The following CHUK variants were observed in gnomAD, a reference collection of about 807,000 sequenced individuals.
CHUK encodes the protein component of inhibitor of nuclear factor kappa B kinase complex.
CHUK carries 35 observed loss-of-function variants against 104.8 expected under a neutral mutation model. The ratio of observed to expected loss-of-function variants is 0.33; its 90% CI spans 0.26 to 0.44. The LOEUF is 0.44. Ranked by LOEUF, CHUK falls within the 20% of genes least tolerant of loss-of-function variation. CHUK has a pLI of 1.00. For synonymous variants in CHUK, 276 were observed against 291.9 expected, an observed-to-expected ratio of 0.95 and a Z score of 0.56; for missense variants, 663 against 902.7, an observed-to-expected ratio of 0.73 and a Z score of 3.40.
At chr10:100,228,317 T>C (rs1005404260) in intron 1 of CHUK, among the ~76,000 whole-genome samples, 1 of 152,200 alleles carries the variant, frequency 6.6e-6, no homozygotes, top group Non-Finnish European at 1.5e-5. Flanking sequence ...TCTGTGCATT[T>C]TTCTGGGGAA....
intron 9 of CHUK, among the ~76,000 whole-genome samples, chr10:100,217,569 T>C (rs1845887045): frequency 6.6e-6 from 1 of 151,978 alleles, no homozygotes; most frequent in South Asian, 2.1e-4. Context: ...GCTCTAAGAA[T>C]ATAATTTTCT....
rs145198557 is a variant in CHUK at position 100,190,889 on chromosome 10, C to T, written c.2188G>A (p.Glu730Lys). The T allele has an allele frequency of 1.2e-6, 2 of 1,607,620 alleles. No individual in the cohort carries two copies. Among genetic ancestry groups the T allele is most frequent in the African/African-American group, 1.3e-5 (1 of 74,808 alleles). Residue 730 changes from glutamate to lysine, a missense_variant, in exon 20 of 21, where the codon GAA becomes AAA. Glu to Lys is a moderately conservative substitution (Grantham distance 56, BLOSUM62 1). Transcript: ENST00000370397. Reference protein sequence around the residue: ...LSTIIHEANEEQGNSMMNLDW... With the variant: ...LSTIIHEANEKQGNSMMNLDW... Reference sequence around the variant, plus strand: ...CTTACCATCATACTATTGCCCTGTTCCTCATTTGCCTCATGAATAATAGTG... The same window carrying T: ...CTTACCATCATACTATTGCCCTGTTTCTCATTTGCCTCATGAATAATAGTG...
At chr10:100,220,946 T>C (rs1228935196) in intron 4 of CHUK, among the ~76,000 whole-genome samples, 2 of 152,178 alleles carry the variant, frequency 1.3e-5, no homozygotes, top group East Asian at 1.9e-4. Context: ...TCCCTGAAAC[T>C]CTTATAAGCC....
At chr10:100,207,692 T>G (rs557503674) in intron 10 of CHUK, among the ~76,000 whole-genome samples, 18 of 152,324 alleles carry the variant, frequency 1.2e-4, no homozygotes, top group African/African-American at 4.3e-4. Context: ...ATATATTACA[T>G]AATTCCATTT....
intron 17 of CHUK, 51 bp downstream of exon 17, chr10:100,194,374 C>A (rs533951574): frequency 1.5e-6 from 2 of 1,336,226 alleles, no homozygotes; most frequent in Admixed American, 3.4e-5. Context: ...TTGAGAGGAA[C>A]AAGATAAACG....
At chr10:100,204,929 T>C (rs2134222129) in intron 12 of CHUK, 147 bp downstream of exon 12, 2 of 938,632 alleles carry the variant, frequency 2.1e-6, no homozygotes, top group East Asian at 4.9e-5. Flanking sequence ...TTAGTAAGAA[T>C]TCTACAAGTT....
At chr10:100,201,071 C>T (rs1021243223) in intron 14 of CHUK, among the ~76,000 whole-genome samples, 1 of 152,118 alleles carries the variant, frequency 6.6e-6, no homozygotes, top group African/African-American at 2.4e-5. Context: ...CAGGTATCAA[C>T]TAACAAGAAA....
chr10:100,222,718 T>TG (rs1589598439), intron 3 of CHUK, 148 bp downstream of exon 3: 1 of 645,024 alleles, frequency 1.6e-6, no homozygotes, highest in East Asian at 2.9e-5. Flanking sequence ...GAAATGAATG[T>TG]GGCTGTGTTC....
At chr10:100,196,883 A>C (rs1446534776) in intron 16 of CHUK, among the ~76,000 whole-genome samples, 2 of 152,202 alleles carry the variant, frequency 1.3e-5, no homozygotes, top group East Asian at 1.9e-4. Flanking sequence ...CTACTCCCAA[A>C]AAAGTATCTG....
At chr10:100,193,533 T>A in intron 18 of CHUK, 102 bp from the exon 19 acceptor site, 8 of 1,320,884 alleles carry the variant, frequency 6.1e-6, no homozygotes, top group Non-Finnish European at 8.6e-6. Context: ...CCGTTACTAC[T>A]TATATGCACA....
intron 17 of CHUK, 47 bp downstream of exon 17, chr10:100,194,377 GA>G (rs1284665678): frequency 7.4e-7 from 1 of 1,354,196 alleles, no homozygotes; most frequent in South Asian, 1.2e-5. Flanking sequence ...AGAGGAACAA[GA>G]TAAACGTATC....
chr10:100,209,686 C>T lies in CHUK; in HGVS notation c.1037G>A (p.Gly346Glu). Reference protein sequence around the residue: ...SLQSRIERETGINTGSQELLS... With the variant: ...SLQSRIERETEINTGSQELLS... ...AAGTTCTTGAGAACCAGTATTTATT[C>T]CAGTTTCACGCTCAATACGAGACTG... Residue 346 changes from glycine (G) to glutamate (E), a missense_variant, in exon 10 of 21, where the codon GGA becomes GAA. By Grantham distance (98) the Gly-to-Glu change is moderately conservative. Around this residue, in one of 5 missense-constraint regions of CHUK, gnomAD observed 93 missense variants for 95.9 expected, o/e 0.97. Transcript: ENST00000370397. 1 of 1,595,668 alleles carries T rather than the reference C, an allele frequency of 6.3e-7. No individual in the cohort carries two copies. Among genetic ancestry groups the T allele is most frequent in the South Asian group, 1.1e-5 (1 of 90,676 alleles).
chr10:100,207,081 T>A, intron 11 of CHUK, 149 bp downstream of exon 11: 1 of 626,512 alleles, frequency 1.6e-6, no homozygotes, highest in Non-Finnish European at 2.9e-6. Context: ...ATAAATCCAT[T>A]TTTCAGAGTT....
chr10:100,189,740 A>G (rs991694579), intron 20 of CHUK, 113 bp from the exon 21 acceptor site: 1 of 734,020 alleles, frequency 1.4e-6, no homozygotes, highest in African/African-American at 1.8e-5. Flanking sequence ...AAAGTTGAAA[A>G]ATCATTTCAT....
intron 9 of CHUK, among the ~76,000 whole-genome samples, chr10:100,215,128 G>A (rs756430447): frequency 9.9e-5 from 15 of 151,374 alleles, no homozygotes; most frequent in East Asian, 3.9e-4. Context: ...CCAGCTACTC[G>A]GGAGGCTGAG....
At chr10:100,221,517 C>A (rs12570957) in intron 4 of CHUK, among the ~76,000 whole-genome samples, 49,748 of 151,958 alleles carry the variant, frequency 0.33, 10,138 homozygotes, top group East Asian at 0.46. Context: ...ATTACTATGT[C>A]AATGGTAGGG....
Position 100,209,769 on chromosome 10 carries a change from C to A in CHUK, c.954G>T (p.Met318Ile). 2 of 1,451,414 alleles carry A rather than the reference C, an allele frequency of 1.4e-6. No homozygotes were observed. Among genetic ancestry groups the A allele is most frequent in the South Asian group, 2.3e-5 (2 of 87,622 alleles). 89.9% of individuals were successfully genotyped at this position (1,451,414 alleles called of 1,614,324 possible). The stretch of plus-strand genomic sequence containing the variant: ...GAAAAGAAATTATCTTTGCAGAAGT[C>A]ATATTTAGGATGTGTACTATCTGTA... ...LNLKIVHILN[M>I]TSAKIISFLL... The change falls in exon 10 of 21, where the codon ATG (methionine) becomes ATT (isoleucine). Residue 318 changes from methionine to isoleucine, a missense_variant. Coordinates refer to ENST00000370397, the MANE Select transcript of CHUK (RefSeq NM_001278.5).
At chr10:100,199,197 C>A (rs1420516462) in intron 16 of CHUK, among the ~76,000 whole-genome samples, 1 of 152,330 alleles carries the variant, frequency 6.6e-6, no homozygotes, top group East Asian at 1.9e-4. Context: ...CAAAACAAGT[C>A]ATCAGTGACC....
chr10:100,190,721 G>A, intron 20 of CHUK, 148 bp downstream of exon 20: 1 of 717,366 alleles, frequency 1.4e-6, no homozygotes, highest in Non-Finnish European at 2.6e-6. Context: ...AAGGATTTAA[G>A]GTTGAGGATA....
Sources: gnomAD v4.1 joint callset for allele counts (sites outside exome capture counted in the v4.1 genomes callset) on GRCh38, gnomAD v4.1.1 for gene constraint, gnomAD v4.1.1 regional missense constraint, MANE v1.5 for transcripts, NCBI Gene and HGNC (gene_info 2026-07-23, HGNC 2026-07-21) for gene names.